Variants in ACTN1 observed in about 807,000 individuals in gnomAD.
ACTN1 encodes alpha-actinin-1.
A neutral mutation model predicts 119.6 loss-of-function variants in ACTN1; 30 were observed. That is an observed-to-expected ratio of 0.25 (90% CI 0.19 to 0.34). ACTN1 has a LOEUF of 0.34. Among genes scored for constraint, ACTN1 ranks in the 10% least tolerant of loss-of-function variants. The pLI is 1.00. For missense variants in ACTN1, 764 were observed against 1,223.4 expected, an observed-to-expected ratio of 0.62 and a Z score of 5.60; for synonymous variants, 429 against 472.6, an observed-to-expected ratio of 0.91 and a Z score of 1.20.
Position 68,893,682 on chromosome 14 carries a change from C to T in ACTN1, c.828G>A (p.Met276Ile). ...LAVNQENEQLMEDYEKLASDL... is the reference protein window; with the variant it reads ...LAVNQENEQLIEDYEKLASDL... ...CACTGGCCAGCTTCTCGTAGTCTTC[C>T]ATAAGCTGCTCGTTCTCCTGGTTGA... The change falls in exon 9 of 22, where the codon ATG becomes ATA. Residue 276 changes from methionine to isoleucine, a missense_variant. Physicochemically the swap from Met to Ile is conservative, Grantham distance 10 (BLOSUM62 1). Coordinates refer to ENST00000394419, the MANE Select transcript of ACTN1 (RefSeq NM_001130004.2). The T allele has an allele frequency of 1.2e-6, 2 of 1,614,174 alleles. No homozygotes were observed. The highest frequency in any genetic ancestry group is 1.7e-6 in the Non-Finnish European group (2 of 1,180,018).
chr14:68,975,150 T>G (rs1285706080), intron 1 of ACTN1, among the ~76,000 whole-genome samples: 2 of 152,240 alleles, frequency 1.3e-5, no homozygotes, highest in Non-Finnish European at 2.9e-5. Context: ...ATGTGTCCCC[T>G]CTTCCTGTGA....
intron 1 of ACTN1, chr14:68,936,674 G>A (rs1356329924): frequency 2.1e-5 from 13 of 626,422 alleles, no homozygotes; most frequent in South Asian, 5.8e-5. Context: ...GAGCCTGGCC[G>A]GGTGAAGTCC....
At chr14:68,915,820 C>T (rs2034259670) in intron 3 of ACTN1, among the ~76,000 whole-genome samples, 1 of 152,206 alleles carries the variant, frequency 6.6e-6, no homozygotes, top group South Asian at 2.1e-4. Flanking sequence ...AGTTCAAGAC[C>T]AGCCTGGACA....
chr14:68,926,358 T>C (rs2034925154), intron 1 of ACTN1, among the ~76,000 whole-genome samples: 1 of 152,212 alleles, frequency 6.6e-6, no homozygotes, highest in Non-Finnish European at 1.5e-5. Flanking sequence ...TTAAGCAGAT[T>C]ATGATCAGGT....
chr14:68,907,517 T>C (rs2033737613), intron 6 of ACTN1, among the ~76,000 whole-genome samples: 5 of 152,106 alleles, frequency 3.3e-5, no homozygotes, highest in South Asian at 4.1e-4. Flanking sequence ...TGAGTGGAGA[T>C]CACGCCATTG....
Position 68,893,642 on chromosome 14 carries a change from C to CA in ACTN1, c.855+12_855+13insT, listed in dbSNP as rs61180170. 0.021 allele frequency: 33,080 copies of CA among 1,613,174 alleles called. 630 individuals carry two copies. Among genetic ancestry groups the CA allele is most frequent in the African/African-American group, 0.064 (4,802 of 74,966 alleles). ...TTGCTAGAGTCAGGCCAGGTGAACC[C>CA]GGGGGTACCCACATCACTGGCCAGC... is the stretch of plus-strand genomic sequence containing the variant. On this transcript the variant is annotated intron_variant, in intron 9 of 21. Transcript: ENST00000394419.
At chr14:68,891,251 T>C (rs2032455916) in intron 10 of ACTN1, among the ~76,000 whole-genome samples, 1 of 152,244 alleles carries the variant, frequency 6.6e-6, no homozygotes, top group Non-Finnish European at 1.5e-5. Context: ...CATTTTCTTC[T>C]GTGTGTTTCT....
At chr14:68,951,927 C>T (rs372588051) in intron 1 of ACTN1, among the ~76,000 whole-genome samples, 18 of 152,354 alleles carry the variant, frequency 1.2e-4, no homozygotes, top group Middle Eastern at 3.4e-3. Context: ...AGTGAACAAG[C>T]GCAGCCTTGT....
intron 1 of ACTN1, among the ~76,000 whole-genome samples, chr14:68,960,264 A>G (rs1406972111): frequency 1.3e-5 from 2 of 152,212 alleles, no homozygotes; most frequent in Non-Finnish European, 2.9e-5. Flanking sequence ...GTGAACCTGC[A>G]CAGTTCAAAC....
chr14:68,935,008 G>A (rs189343279), intron 1 of ACTN1, among the ~76,000 whole-genome samples: 10 of 152,132 alleles, frequency 6.6e-5, no homozygotes, highest in African/African-American at 2.4e-4. Flanking sequence ...TGTAAATGTG[G>A]TTGGTTGTGG....
Position 68,941,366 on chromosome 14 carries a change from G to A in ACTN1, c.106-15694C>T, listed in dbSNP as rs138423639. 7.9e-3 allele frequency among the ~76,000 whole-genome samples: 1,207 copies of A among 152,324 alleles called. 21 individuals carry two copies. Among genetic ancestry groups the A allele is most frequent in the African/African-American group, 0.027 (1,136 of 41,572 alleles). On this transcript the variant is annotated intron_variant, in intron 1 of 21. Transcript: ENST00000394419. Reference sequence around the variant, plus strand: ...GTTTCTGATTCCAAAGTTCTAGGCCGGCAGAGAAACTGCATTTCTAACAAG... The same window carrying A: ...GTTTCTGATTCCAAAGTTCTAGGCCAGCAGAGAAACTGCATTTCTAACAAG...
At chr14:68,976,661 T>C (rs1423090754) in intron 1 of ACTN1, among the ~76,000 whole-genome samples, 4 of 152,212 alleles carry the variant, frequency 2.6e-5, no homozygotes, top group South Asian at 4.1e-4. Flanking sequence ...CCAGCTTTCC[T>C]GCCTCCCTTG....
At position 68,933,763 on chromosome 14, in the gene ACTN1, C is replaced by T. The variant is rs144577239; in HGVS notation, c.106-8091G>A. On this transcript the variant is annotated intron_variant, in intron 1 of 21. Coordinates refer to ENST00000394419, the MANE Select transcript of ACTN1 (RefSeq NM_001130004.2). ...TTGGGAGGCCAAAGTGGAAGGATCA[C>T]TTGTGTCCAGGAGTTCGAGACCAGC... Among the ~76,000 whole-genome samples the T allele has an allele frequency of 3.6e-3, 546 of 152,192 alleles. 1 individual carries two copies. Among genetic ancestry groups the T allele is most frequent in the Non-Finnish European group, 5.7e-3 (389 of 68,002 alleles).
At position 68,885,070 on chromosome 14, in the gene ACTN1, AAAG is replaced by A. The variant is rs1006565767; in HGVS notation, c.1386-190_1386-188del. On this transcript the variant is annotated intron_variant, in intron 12 of 21. Transcript: ENST00000394419. This position sits in a 1 kb window ranked among gnomAD's most constrained non-coding sequence, Gnocchi z 5.6. ...TCAGGAGACTGGCAGAGAGGAGACCAAAGAAGACCCCTTTCCCAGTCATGGCTG... is the reference window on the plus strand; with the variant it reads ...TCAGGAGACTGGCAGAGAGGAGACCAAAGACCCCTTTCCCAGTCATGGCTG... Among the ~76,000 whole-genome samples, 1 of 152,104 alleles carries A rather than the reference AAAG, an allele frequency of 6.6e-6. No individual in the cohort carries two copies. Among genetic ancestry groups the A allele is most frequent in the African/African-American group, 2.4e-5 (1 of 41,422 alleles).
chr14:68,882,962 T>C lies in ACTN1; in HGVS notation c.1729A>G (p.Lys577Glu). The C allele has an allele frequency of 6.2e-7, 1 of 1,614,256 alleles. No homozygotes were observed. Among genetic ancestry groups the C allele is most frequent in the Non-Finnish European group, 8.5e-7 (1 of 1,180,050 alleles). Residue 577 changes from lysine (K) to glutamate (E), a missense_variant, in exon 15 of 22, where the codon AAG becomes GAG. Coordinates refer to ENST00000394419, the MANE Select transcript of ACTN1 (RefSeq NM_001130004.2). The surrounding 1 kb of genome is among the most constrained non-coding windows in gnomAD (Gnocchi z 4.5). ...TTGACGTGGTAGGTCTGGACAATCT[T>C]GGACACCTCATTGTGGATGCCCAGG... ...AILGIHNEVS[K>E]IVQTYHVNMA...
intron 1 of ACTN1, among the ~76,000 whole-genome samples, chr14:68,940,755 A>T (rs914278424): frequency 3.1e-4 from 47 of 152,208 alleles, no homozygotes; most frequent in African/African-American, 1.0e-3. Context: ...GACCAGAAAC[A>T]AGGACCTGCC....
At position 68,928,734 on chromosome 14, in the gene ACTN1, C is replaced by T. The variant is rs75676172; in HGVS notation, c.106-3062G>A. On this transcript the variant is annotated intron_variant, in intron 1 of 21. Transcript: ENST00000394419. ...GAGGAGGAAGATGACAGGACTAGCTCCCCCAAAATGATCCCGGGACCAGGT... is the reference window on the plus strand; with the variant it reads ...GAGGAGGAAGATGACAGGACTAGCTTCCCCAAAATGATCCCGGGACCAGGT... Among the ~76,000 whole-genome samples, 1,295 of 152,230 alleles carry T rather than the reference C, an allele frequency of 8.5e-3. 21 individuals are homozygous for T. The highest frequency in any genetic ancestry group is 0.03 in the African/African-American group (1,236 of 41,538).
At chr14:68,949,994 GA>G (rs1386721348) in intron 1 of ACTN1, among the ~76,000 whole-genome samples, 3 of 152,148 alleles carry the variant, frequency 2.0e-5, no homozygotes, top group Admixed American at 6.5e-5. Context: ...TTTACAAGAT[GA>G]AAAGAGTTCA....
chr14:68,878,689 C>T lies in ACTN1; in HGVS notation c.2362-166G>A. On this transcript the variant is annotated intron_variant, in intron 19 of 21. Transcript: ENST00000394419. The surrounding 1 kb of genome is among the most constrained non-coding windows in gnomAD (Gnocchi z 4.4). ...GAACATAGGAGAAGATGCGAACACA[C>T]ATCGGTGGAAATGTCCAAAGACAGG... 1.3e-6 allele frequency: 2 copies of T among 1,538,692 alleles called. No homozygotes were observed. The highest frequency in any genetic ancestry group is 8.7e-7 in the Non-Finnish European group (1 of 1,146,992).
Sources: allele counts gnomAD v4.1 joint callset (sites outside exome capture counted in the v4.1 genomes callset), GRCh38; gene constraint gnomAD v4.1.1; non-coding constraint Gnocchi (gnomAD v3.1); transcripts MANE v1.5; gene names NCBI Gene and HGNC (gene_info 2026-07-23, HGNC 2026-07-21).